The following ZNF169 variants were observed in gnomAD, a reference collection of about 807,000 sequenced individuals.
The protein encoded by ZNF169 is zinc finger protein 169.
ZNF169 carries 11 observed loss-of-function variants against 12.0 expected under a neutral mutation model. That is an observed-to-expected ratio of 0.92 (90% CI 0.58 to 1.52). ZNF169 has a LOEUF of 1.52. Among genes scored for constraint, ZNF169 ranks in the 40% most tolerant of loss-of-function variants. ZNF169 has a pLI of 0.00. For missense variants in ZNF169, 722 were observed against 744.0 expected (o/e 0.97, Z 0.34); for synonymous variants, 302 against 286.5 (o/e 1.05, Z -0.55).
chr9:94,277,586 G>A (rs1015693002), intron 1 of ZNF169, among the ~76,000 whole-genome samples: 12 of 152,108 alleles, frequency 7.9e-5, no homozygotes, highest in Non-Finnish European at 1.6e-4. Context: ...AGAATTTATG[G>A]TTTGTAGGGC....
chr9:94,277,892 A>G (rs537576197), intron 1 of ZNF169, among the ~76,000 whole-genome samples: 27 of 150,926 alleles, frequency 1.8e-4, no homozygotes, highest in Admixed American at 3.3e-4. Context: ...AGATTGCGCC[A>G]CTGCACTCCC....
intron 2 of ZNF169, among the ~76,000 whole-genome samples, chr9:94,290,099 A>G (rs1030167836): frequency 1.3e-5 from 2 of 152,340 alleles, no homozygotes; most frequent in Non-Finnish European, 2.9e-5. Flanking sequence ...TGTTGGTCAT[A>G]TCGATAGGCT....
intron 1 of ZNF169, among the ~76,000 whole-genome samples, chr9:94,277,943 G>A (rs7044654): frequency 0.46 from 52,807 of 113,646 alleles, 10,239 homozygotes; most frequent in Admixed American, 0.51. Flanking sequence ...AAAAAAAAAA[G>A]AAAAAAGAAA....
At chr9:94,282,064 C>T (rs114327664) in intron 2 of ZNF169, among the ~76,000 whole-genome samples, 3,086 of 152,182 alleles carry the variant, frequency 0.02, 123 homozygotes, top group African/African-American at 0.069. Context: ...CTTTGCAGAG[C>T]AATTTTAAGG....
Position 94,300,553 on chromosome 9 carries a change from C to CCCT in ZNF169, c.999_1001dup (p.Leu335dup). The CCCT allele has an allele frequency of 1.2e-6, 2 of 1,613,708 alleles. No individual in the cohort carries two copies. Among genetic ancestry groups the CCCT allele is most frequent in the Non-Finnish European group, 1.7e-6 (2 of 1,179,872 alleles). On this transcript the variant is annotated inframe_insertion, in exon 5 of 5. Transcript: ENST00000395395. ...GGGCGAGGCTTTCGCCAGAAGATAG[C>CCCT]CCTCCTTCTACACCAGAGGACGCAC...
intron 1 of ZNF169, among the ~76,000 whole-genome samples, chr9:94,276,857 A>G (rs1830529513): frequency 6.6e-6 from 1 of 152,148 alleles, no homozygotes; most frequent in African/African-American, 2.4e-5. Flanking sequence ...TCATTTCTTA[A>G]TGACTGTTTC....
intron 2 of ZNF169, among the ~76,000 whole-genome samples, chr9:94,281,624 A>C (rs1485224247): frequency 6.6e-6 from 1 of 152,226 alleles, no homozygotes; most frequent in Non-Finnish European, 1.5e-5. Flanking sequence ...TCATGAGAAC[A>C]TGTGCCCAAC....
intron 4 of ZNF169, 65 bp from the exon 5 acceptor site, chr9:94,299,747 ACTG>A (rs1023047546): frequency 3.9e-6 from 6 of 1,531,580 alleles, no homozygotes; most frequent in South Asian, 1.3e-5. Context: ...TCTGAAGAAA[ACTG>A]CTGGGCAGGT....
chr9:94,269,303 T>TG (rs1205269464), intron 1 of ZNF169, among the ~76,000 whole-genome samples: 1 of 152,160 alleles, frequency 6.6e-6, no homozygotes, highest in Admixed American at 6.5e-5. Context: ...TTGCTTCCCT[T>TG]GGTGGTACCG....
At chr9:94,289,522 G>T (rs1470831967) in intron 2 of ZNF169, among the ~76,000 whole-genome samples, 1 of 152,170 alleles carries the variant, frequency 6.6e-6, no homozygotes, top group African/African-American at 2.4e-5. Context: ...GGGCATGGTG[G>T]CTCACGCCTG....
intron 1 of ZNF169, among the ~76,000 whole-genome samples, chr9:94,265,642 A>G (rs1026574851): frequency 1.3e-5 from 2 of 152,056 alleles, no homozygotes; most frequent in African/African-American, 4.8e-5. Flanking sequence ...CTCTATGTGT[A>G]AGTGTGCTTT....
At position 94,300,924 on chromosome 9, in the gene ZNF169, A is replaced by G; in HGVS notation, c.1366A>G (p.Lys456Glu). The change falls in exon 5 of 5, where the codon AAG becomes GAG. Residue 456 changes from lysine (K) to glutamate (E), a missense_variant. By Grantham distance (56) the Lys-to-Glu change is moderately conservative (BLOSUM62 1). Transcript: ENST00000395395. ...IGHQRTHTGE[K>E]PYLCPDCGRG... ...ACACCAGAGGACACACACAGGGGAG[A>G]AGCCCTACCTGTGCCCTGATTGTGG... 6.2e-7 allele frequency: 1 copy of G among 1,612,804 alleles called. No homozygotes were observed. The highest frequency in any genetic ancestry group is 8.5e-7 in the Non-Finnish European group (1 of 1,179,706).
chr9:94,268,335 T>C (rs1181139495), intron 1 of ZNF169, among the ~76,000 whole-genome samples: 1 of 152,148 alleles, frequency 6.6e-6, no homozygotes, highest in Non-Finnish European at 1.5e-5. Flanking sequence ...TAACATACAC[T>C]AAAATAGAAT....
At chr9:94,290,874 A>G (rs1326550319) in intron 2 of ZNF169, among the ~76,000 whole-genome samples, 4 of 152,098 alleles carry the variant, frequency 2.6e-5, no homozygotes, top group African/African-American at 7.2e-5. Flanking sequence ...ATTGTTTTAC[A>G]TTCCCATCGG....
intron 1 of ZNF169, among the ~76,000 whole-genome samples, chr9:94,265,006 C>T (rs1830265854): frequency 1.9e-5 from 2 of 105,808 alleles, no homozygotes; most frequent in Admixed American, 1.0e-4. Context: ...TGATGTATAT[C>T]TCTTTCTGTA....
At chr9:94,268,650 G>A (rs1467369225) in intron 1 of ZNF169, among the ~76,000 whole-genome samples, 1 of 151,624 alleles carries the variant, frequency 6.6e-6, no homozygotes, top group African/African-American at 2.4e-5. Flanking sequence ...TAGCTGGGCG[G>A]GGTGGTGGGG....
At chr9:94,260,102 G>GT (rs891382977) in intron 1 of ZNF169, among the ~76,000 whole-genome samples, 26 of 147,692 alleles carry the variant, frequency 1.8e-4, no homozygotes, top group Non-Finnish European at 2.9e-4. Context: ...GTTTTGTTTT[G>GT]TTTTTTTGAG....
rs1440338639 is a variant in ZNF169 at position 94,270,945 on chromosome 9, A to G, written c.-55-7813A>G. On this transcript the variant is annotated intron_variant, in intron 1 of 4. Coordinates refer to ENST00000395395, the MANE Select transcript of ZNF169 (RefSeq NM_194320.4). Reference sequence around the variant, plus strand: ...ATATATAAATAATATATAATATATTATATAAATATATAAATAATATATTAT... The same window carrying G: ...ATATATAAATAATATATAATATATTGTATAAATATATAAATAATATATTAT... 1.8e-4 allele frequency among the ~76,000 whole-genome samples: 6 copies of G among 33,798 alleles called. No individual in the cohort carries two copies. The East Asian group carries it at 0.011, about 63-fold the overall frequency. The allele number at this position is 33,798 out of a possible 152,430, so 22.2% of individuals were successfully genotyped here.
intron 2 of ZNF169, among the ~76,000 whole-genome samples, chr9:94,291,194 C>T (rs1200114013): frequency 6.6e-6 from 1 of 151,556 alleles, no homozygotes; most frequent in African/African-American, 2.4e-5. Context: ...GCTGGGACTA[C>T]AGATGCTTGC....
Sources: gnomAD v4.1 joint callset for allele counts (sites outside exome capture counted in the v4.1 genomes callset) on GRCh38, gnomAD v4.1.1 for gene constraint, MANE v1.5 for transcripts, NCBI Gene and HGNC (gene_info 2026-07-23, HGNC 2026-07-21) for gene names.